The following ASXL2 variants were observed in gnomAD, a reference collection of about 807,000 sequenced individuals.
ASXL2 encodes putative Polycomb group protein ASXL2.
Under a neutral mutation model 122.0 loss-of-function variants are expected in ASXL2, and 23 were observed. The ratio of observed to expected loss-of-function variants is 0.19; its 90% CI spans 0.14 to 0.27. The LOEUF (loss-of-function observed/expected upper bound fraction) is 0.27. Ranked by LOEUF, ASXL2 falls within the 10% of genes least tolerant of loss-of-function variation. The pLI is 1.00. For synonymous variants in ASXL2, 650 were observed against 637.0 expected, an observed-to-expected ratio of 1.02 and a Z score of -0.31; for missense variants, 1,518 against 1,713.8, an observed-to-expected ratio of 0.89 and a Z score of 2.02.
chr2:25,750,550 A>G lies in ASXL2; in HGVS notation c.1143-137T>C, dbSNP rs1559500587. Reference sequence around the variant, plus strand: ...CAGGTATTCATGTATTATCTTCACTATTAGTAGTAGTGAAAGTTCTGGAGT... The same window carrying G: ...CAGGTATTCATGTATTATCTTCACTGTTAGTAGTAGTGAAAGTTCTGGAGT... On this transcript the variant is annotated intron_variant, in intron 11 of 12. Coordinates refer to ENST00000435504, the MANE Select transcript of ASXL2 (RefSeq NM_018263.6). 3.9e-6 allele frequency: 3 copies of G among 775,016 alleles called. No individual in the cohort carries two copies. The East Asian group carries it at 7.9e-5, about 20-fold the overall frequency. 48.0% of individuals were successfully genotyped at this position (775,016 alleles called of 1,614,324 possible). A position where few individuals can be genotyped will look rare whatever the true frequency, so the allele number is the denominator to read the frequency against.
At chr2:25,829,438 T>C (rs988060992) in intron 3 of ASXL2, among the ~76,000 whole-genome samples, 5 of 152,194 alleles carry the variant, frequency 3.3e-5, no homozygotes, top group African/African-American at 1.2e-4. Context: ...AATCAACAGA[T>C]TCAATTAAGT....
chr2:25,758,224 C>T (rs1176474021), intron 9 of ASXL2, among the ~76,000 whole-genome samples: 3 of 152,166 alleles, frequency 2.0e-5, no homozygotes, highest in African/African-American at 7.2e-5. Context: ...AGATTATTTT[C>T]AGAATTAGAA....
chr2:25,831,093 G>T (rs1574438377), intron 3 of ASXL2, among the ~76,000 whole-genome samples: 1 of 152,228 alleles, frequency 6.6e-6, no homozygotes, highest in East Asian at 1.9e-4. Context: ...GCCAAGGTGG[G>T]TGAATCACTT....
At chr2:25,812,129 AT>A (rs2089178037) in intron 3 of ASXL2, among the ~76,000 whole-genome samples, 2 of 149,152 alleles carry the variant, frequency 1.3e-5, no homozygotes, top group South Asian at 4.3e-4. Flanking sequence ...CCTAGGTACT[AT>A]TTTTGCAATT....
chr2:25,873,448 TC>T (rs1559534487), intron 1 of ASXL2, among the ~76,000 whole-genome samples: 1 of 152,060 alleles, frequency 6.6e-6, no homozygotes, highest in Non-Finnish European at 1.5e-5. Context: ...ACTTCCTATA[TC>T]AAAGTAATTA....
At position 25,759,505 on chromosome 2, in the gene ASXL2, G is replaced by A. The variant is rs2149146359; in HGVS notation, c.916C>T (p.Leu306=). The change falls in exon 9 of 13, where the codon CTA becomes TTA. Residue 306 remains leucine, a synonymous_variant. Transcript: ENST00000435504. ...PGDCQQRLLL[L]LPEVDRQVGP... is the part of the protein sequence containing the mutation. ...ACCTGTCGATCTACCTCTGGGAGTA[G>A]TAAAAGCAGTCGTTGCTGGCAATCT... is the stretch of plus-strand genomic sequence containing the variant. 6.2e-7 allele frequency: 1 copy of A among 1,613,938 alleles called. No homozygotes were observed. The highest frequency in any genetic ancestry group is 8.5e-7 in the Non-Finnish European group (1 of 1,179,848).
At chr2:25,817,283 G>C (rs1381773945) in intron 3 of ASXL2, among the ~76,000 whole-genome samples, 1 of 152,106 alleles carries the variant, frequency 6.6e-6, no homozygotes, top group Non-Finnish European at 1.5e-5. Flanking sequence ...TTTGCAATTA[G>C]GTAACATATA....
intron 5 of ASXL2, among the ~76,000 whole-genome samples, chr2:25,778,735 C>A (rs1418719583): frequency 6.6e-6 from 1 of 152,180 alleles, no homozygotes; most frequent in Non-Finnish European, 1.5e-5. Flanking sequence ...GGGAACATGG[C>A]TCCACCCATA....
At chr2:25,867,332 G>A (rs918260276) in intron 1 of ASXL2, among the ~76,000 whole-genome samples, 1 of 152,152 alleles carries the variant, frequency 6.6e-6, no homozygotes, top group Admixed American at 6.5e-5. Flanking sequence ...AGAAGGCCAG[G>A]TGCAGAGGCT....
intron 8 of ASXL2, among the ~76,000 whole-genome samples, chr2:25,764,869 G>A (rs1353014529): frequency 6.6e-6 from 1 of 152,096 alleles, no homozygotes; most frequent in African/African-American, 2.4e-5. Flanking sequence ...AAGTAGTTGT[G>A]AATTATTTTC....
At chr2:25,841,842 G>A (rs1165868249) in intron 2 of ASXL2, among the ~76,000 whole-genome samples, 1 of 152,008 alleles carries the variant, frequency 6.6e-6, no homozygotes, top group Non-Finnish European at 1.5e-5. Flanking sequence ...AGCTACTCGG[G>A]AGGCTGAGGC....
chr2:25,849,706 GT>G lies in ASXL2; in HGVS notation c.58-4144del, dbSNP rs1481235032. On this transcript the variant is annotated intron_variant, in intron 1 of 12. Transcript: ENST00000435504. Reference sequence around the variant, plus strand: ...GCCCAGGCCGGTCTCGAACTGCTGGGTTTTTGTACTTTTTGTAGAGATGGGG... The same window carrying G: ...GCCCAGGCCGGTCTCGAACTGCTGGGTTTTGTACTTTTTGTAGAGATGGGG... Among the ~76,000 whole-genome samples, 21 of 151,918 alleles carry G rather than the reference GT, an allele frequency of 1.4e-4. No homozygotes were observed. In the East Asian group the frequency reaches 2.9e-3, roughly 21 times the overall value.
At chr2:25,758,725 T>C (rs1407185696) in intron 9 of ASXL2, among the ~76,000 whole-genome samples, 1 of 151,994 alleles carries the variant, frequency 6.6e-6, no homozygotes, top group African/African-American at 2.4e-5. Flanking sequence ...TTTTAAGTTC[T>C]TTACTATGAA....
intron 1 of ASXL2, among the ~76,000 whole-genome samples, chr2:25,846,786 A>G (rs2089655513): frequency 6.6e-6 from 1 of 152,240 alleles, no homozygotes; most frequent in South Asian, 2.1e-4. Flanking sequence ...CCTGCACTAC[A>G]GCCTGGGCAA....
In ASXL2 at chr2:25,742,716, C is replaced by T; in HGVS notation, c.3621G>A (p.Lys1207=). 6.2e-7 allele frequency: 1 copy of T among 1,613,980 alleles called. No individual in the cohort carries two copies. ...EEPQVSQSAG[K]GDTSSGPHSR... The stretch of plus-strand genomic sequence containing the variant: ...TGTGAGGTCCTGAACTTGTGTCACC[C>T]TTGCCAGCACTCTGGGAAACCTGGG... Residue 1207 remains lysine, a synonymous_variant, in exon 13 of 13, where the codon AAG becomes AAA. Transcript: ENST00000435504.
chr2:25,760,050 C>CT (rs1027651615), intron 8 of ASXL2, among the ~76,000 whole-genome samples: 13 of 151,048 alleles, frequency 8.6e-5, no homozygotes, highest in Admixed American at 2.6e-4. Flanking sequence ...CTTCTCATGA[C>CT]TTTTTTTTTC....
At chr2:25,873,156 T>C (rs533695395) in intron 1 of ASXL2, among the ~76,000 whole-genome samples, 22 of 151,190 alleles carry the variant, frequency 1.5e-4, no homozygotes, top group African/African-American at 5.1e-4. Flanking sequence ...TGCATCCTCA[T>C]AGCTTAGCTG....
intron 1 of ASXL2, among the ~76,000 whole-genome samples, chr2:25,875,299 T>C (rs1392878727): frequency 6.6e-6 from 1 of 152,004 alleles, no homozygotes; most frequent in African/African-American, 2.4e-5. Context: ...TGGCATAATC[T>C]ACTATTATAT....
chr2:25,756,476 G>GAAAAAAAAAAA (rs796246064), intron 9 of ASXL2, among the ~76,000 whole-genome samples: 3 of 104,372 alleles, frequency 2.9e-5, no homozygotes, highest in Non-Finnish European at 4.2e-5. Flanking sequence ...AAAAAAAAAA[G>GAAAAAAAAAAA]AAAAAAAAAA....
Sources: gnomAD v4.1 joint callset for allele counts (sites outside exome capture counted in the v4.1 genomes callset) on GRCh38, gnomAD v4.1.1 for gene constraint, MANE v1.5 for transcripts, NCBI Gene and HGNC (gene_info 2026-07-23, HGNC 2026-07-21) for gene names.